Variants in MEIS2 observed in about 807,000 individuals in gnomAD.
MEIS2 encodes the protein homeobox protein Meis2.
A neutral mutation model predicts 58.6 loss-of-function variants in MEIS2; 9 were observed. The observed-to-expected ratio is 0.15, with a 90% confidence interval of 0.09 to 0.27. The LOEUF (loss-of-function observed/expected upper bound fraction) is 0.27, where lower values mean the gene tolerates loss of function less well. Ranked by LOEUF, MEIS2 falls within the 10% of genes least tolerant of loss-of-function variation. The probability of loss-of-function intolerance (pLI) is 1.00; values close to 1 mark genes in which losing one functional copy is unlikely to be tolerated. For missense variants in MEIS2, 427 were observed against 635.0 expected (o/e 0.67, Z 3.52); for synonymous variants, 221 against 228.4 (o/e 0.97, Z 0.29).
chr15:37,054,399 T>A (rs1343928183), intron 7 of MEIS2, among the ~76,000 whole-genome samples: 6 of 152,158 alleles, frequency 3.9e-5, no homozygotes, highest in Non-Finnish European at 5.9e-5. Context: ...AGACTTTGCA[T>A]GTTTTTAATT....
intron 7 of MEIS2, among the ~76,000 whole-genome samples, chr15:37,037,323 C>T (rs2062197999): frequency 6.6e-6 from 1 of 152,158 alleles, no homozygotes; most frequent in South Asian, 2.1e-4. Flanking sequence ...GTAGGGTAAT[C>T]AAGTTAAATG....
intron 8 of MEIS2, among the ~76,000 whole-genome samples, chr15:37,009,440 G>A (rs2061051938): frequency 2.0e-5 from 3 of 152,186 alleles, no homozygotes; most frequent in Admixed American, 1.3e-4. Flanking sequence ...CAATTCCAGA[G>A]TGCAAACATT....
At chr15:37,010,077 G>GT (rs1176902974) in intron 8 of MEIS2, among the ~76,000 whole-genome samples, 6 of 151,686 alleles carry the variant, frequency 4.0e-5, no homozygotes, top group South Asian at 2.1e-4. Context: ...AGCACTGTGG[G>GT]TTTTTTTTGT....
chr15:37,076,418 CA>C lies in MEIS2; in HGVS notation c.754+7352del, dbSNP rs202079274. Among the ~76,000 whole-genome samples, 92 of 152,082 alleles carry C rather than the reference CA, an allele frequency of 6.0e-4. 4 individuals are homozygous for C. In the East Asian group the frequency reaches 0.017, roughly 29 times the overall value. On this transcript the variant is annotated intron_variant, in intron 7 of 11. Transcript: ENST00000561208. The stretch of plus-strand genomic sequence containing the variant: ...CAACAAGTACTGTTCAGCCAAAAAT[CA>C]ATTGAAAAATCAGCATGATAACAGA...
intron 8 of MEIS2, among the ~76,000 whole-genome samples, chr15:36,970,302 G>A (rs2059499095): frequency 6.6e-6 from 1 of 151,900 alleles, no homozygotes; most frequent in Non-Finnish European, 1.5e-5. Flanking sequence ...TACTCGGGAG[G>A]CTGAGGCAGG....
chr15:37,029,627 G>T (rs2061836818), intron 8 of MEIS2, among the ~76,000 whole-genome samples: 1 of 152,132 alleles, frequency 6.6e-6, no homozygotes, highest in East Asian at 1.9e-4. Flanking sequence ...CATAAGCTCT[G>T]AGCGGCTTCA....
At chr15:36,922,840 A>G (rs1179845200) in intron 9 of MEIS2, among the ~76,000 whole-genome samples, 2 of 150,668 alleles carry the variant, frequency 1.3e-5, no homozygotes, top group Non-Finnish European at 3.0e-5. Context: ...CTGCTCTCGA[A>G]CTCCTGACCT....
intron 7 of MEIS2, among the ~76,000 whole-genome samples, chr15:37,072,657 G>A (rs1054113011): frequency 6.6e-6 from 1 of 152,012 alleles, no homozygotes; most frequent in Non-Finnish European, 1.5e-5. Context: ...CCCACTGAAG[G>A]CCATCAAAAT....
chr15:36,978,958 G>C (rs1005402487), intron 8 of MEIS2, among the ~76,000 whole-genome samples: 1 of 152,034 alleles, frequency 6.6e-6, no homozygotes, highest in African/African-American at 2.4e-5. Context: ...TAACTTTTAA[G>C]AAAATTACTG....
chr15:36,976,372 C>A (rs1430358792), intron 8 of MEIS2, among the ~76,000 whole-genome samples: 2 of 151,892 alleles, frequency 1.3e-5, no homozygotes, highest in African/African-American at 4.8e-5. Flanking sequence ...GCGTGAGCCA[C>A]CGCGCCTGGC....
rs1555446130 is a variant in MEIS2, at chr15:36,995,737, A to AC, written c.900+41076_900+41077insG. On this transcript the variant is annotated intron_variant, in intron 8 of 11. Coordinates refer to ENST00000561208, the MANE Select transcript of MEIS2 (RefSeq NM_170675.5). ...AAAAAAAAAAAAAAAAAAAACAAAG[A>AC]AAAGAAAAGAAAGAAAGAAAGAAAG... Among the ~76,000 whole-genome samples, 143 of 21,756 alleles carry AC rather than the reference A, an allele frequency of 6.6e-3. 21 individuals are homozygous for AC. The highest frequency in any genetic ancestry group is 0.036 in the South Asian group (6 of 168). The allele number at this position is 21,756 out of a possible 152,430, so 14.3% of individuals were successfully genotyped here. A position where few individuals can be genotyped will look rare whatever the true frequency, so the allele number is the denominator to read the frequency against.
intron 8 of MEIS2, among the ~76,000 whole-genome samples, chr15:36,990,215 G>C (rs370158481): frequency 1.3e-5 from 2 of 152,090 alleles, no homozygotes; most frequent in Non-Finnish European, 2.9e-5. Context: ...AAAGTGCTGG[G>C]ATTACAGGCA....
At chr15:36,984,412 T>C (rs1344008656) in intron 8 of MEIS2, among the ~76,000 whole-genome samples, 2 of 152,158 alleles carry the variant, frequency 1.3e-5, no homozygotes, top group Non-Finnish European at 2.9e-5. Flanking sequence ...TTACATGTGT[T>C]GAACCATCCT....
At chr15:36,976,450 G>A (rs1304038211) in intron 8 of MEIS2, among the ~76,000 whole-genome samples, 1 of 149,866 alleles carries the variant, frequency 6.7e-6, no homozygotes, top group East Asian at 1.9e-4. Flanking sequence ...CTTCTTCTGG[G>A]CAGAACTATA....
chr15:37,096,130 G>T lies in MEIS2; in HGVS notation c.387+159C>A, dbSNP rs117770859. ...CCATATTTATCTCCACTTCCAATTC[G>T]CCCCCAGGCTCAGGGATGGGGAGGA... On this transcript the variant is annotated intron_variant, in intron 3 of 11. Transcript: ENST00000561208. 6.0e-3 allele frequency: 4,258 copies of T among 713,898 alleles called. 24 individuals are homozygous for T. The highest frequency in any genetic ancestry group is 7.2e-3 in the Non-Finnish European group (3,267 of 451,674). 44.2% of individuals were successfully genotyped at this position (713,898 alleles called of 1,614,324 possible).
At chr15:36,947,657 C>A (rs1057019168) in intron 9 of MEIS2, among the ~76,000 whole-genome samples, 1 of 151,920 alleles carries the variant, frequency 6.6e-6, no homozygotes, top group Non-Finnish European at 1.5e-5. Context: ...AGCACACAAG[C>A]CTAATTTCCT....
intron 7 of MEIS2, among the ~76,000 whole-genome samples, chr15:37,073,991 G>A (rs1891044853): frequency 6.6e-6 from 1 of 151,954 alleles, no homozygotes; most frequent in African/African-American, 2.4e-5. Context: ...ATATGTAACT[G>A]TAAAATTCTC....
At chr15:36,944,191 T>A (rs2058474960) in intron 9 of MEIS2, among the ~76,000 whole-genome samples, 1 of 152,090 alleles carries the variant, frequency 6.6e-6, no homozygotes. Context: ...TTACATTTCC[T>A]GTAGACAGAG....
At chr15:36,968,530 C>T (rs1404863228) in intron 8 of MEIS2, among the ~76,000 whole-genome samples, 1 of 152,144 alleles carries the variant, frequency 6.6e-6, no homozygotes, top group Admixed American at 6.5e-5. Flanking sequence ...GAAGAGATTG[C>T]ATAAAGGGAG....
Sources: gnomAD v4.1 joint callset for allele counts (sites outside exome capture counted in the v4.1 genomes callset) on GRCh38, gnomAD v4.1.1 for gene constraint, MANE v1.5 for transcripts, NCBI Gene and HGNC (gene_info 2026-07-23, HGNC 2026-07-21) for gene names.